PRKCH: variants seen among roughly 807,000 people sequenced by gnomAD.
PRKCH encodes the protein protein kinase C eta type.
A neutral mutation model predicts 82.5 loss-of-function variants in PRKCH; 28 were observed. That is an observed-to-expected ratio of 0.34 (90% CI 0.25 to 0.47). PRKCH has a LOEUF of 0.47. Ranked by LOEUF, PRKCH falls within the 20% of genes least tolerant of loss-of-function variation. The probability of loss-of-function intolerance (pLI) is 1.00; values close to 1 mark genes in which losing one functional copy is unlikely to be tolerated. For missense variants in PRKCH, 705 were observed against 881.8 expected (o/e 0.80, Z 2.54); for synonymous variants, 322 against 327.4 (o/e 0.98, Z 0.18).
rs139819534 is a variant in PRKCH, at chr14:61,378,981, T to G, written c.364-12244T>G. ...AACAGTTATGTATCGGGATCTGACA[T>G]GTAGGTATGACCTTGTAACTTTCCT... On this transcript the variant is annotated intron_variant, in intron 1 of 13. Transcript: ENST00000332981. Among the ~76,000 whole-genome samples, 3 of 152,340 alleles carry G rather than the reference T, an allele frequency of 2.0e-5. No individual in the cohort carries two copies. The South Asian group carries it at 6.2e-4, about 32-fold the overall frequency.
In PRKCH at chr14:61,322,433, C is replaced by G. The variant is rs1594910908; in HGVS notation, c.332C>G (p.Thr111Arg). 24 of 1,597,732 alleles carry G rather than the reference C, an allele frequency of 1.5e-5. No individual in the cohort carries two copies. Among genetic ancestry groups the G allele is most frequent in the Non-Finnish European group, 2.1e-5 (24 of 1,166,902 alleles). ...CTGCAGTTCCAGGAGCTGCTGCGCA[C>G]GACCGGCGCCTCGGACACCTTCGAG... ...CTLQFQELLR[T>R]TGASDTFEGW... The change falls in exon 1 of 14, where the codon ACG becomes AGG. Residue 111 changes from threonine to arginine, a missense_variant. Coordinates refer to ENST00000332981, the MANE Select transcript of PRKCH (RefSeq NM_006255.5).
chr14:61,189,119 C>T (rs1380128849), intron 1 of PRKCH, among the ~76,000 whole-genome samples: 1 of 152,224 alleles, frequency 6.6e-6, no homozygotes, highest in Admixed American at 6.5e-5. Flanking sequence ...ACACAGGGTG[C>T]GGCGGTGACT....
chr14:61,489,602 G>T (rs1374217676), intron 10 of PRKCH, among the ~76,000 whole-genome samples: 1 of 152,214 alleles, frequency 6.6e-6, no homozygotes, highest in Non-Finnish European at 1.5e-5. Context: ...TCTGGAACCT[G>T]CCATGGCCCA....
chr14:61,415,456 T>G (rs1882502206), intron 2 of PRKCH, among the ~76,000 whole-genome samples: 2 of 152,208 alleles, frequency 1.3e-5, no homozygotes, highest in Non-Finnish European at 1.5e-5. Flanking sequence ...TTCCATTTCC[T>G]TAGGAGAGCT....
At chr14:61,489,309 A>T (rs1244853514) in intron 10 of PRKCH, among the ~76,000 whole-genome samples, 2 of 152,078 alleles carry the variant, frequency 1.3e-5, no homozygotes, top group Non-Finnish European at 2.9e-5. Flanking sequence ...GGAGGGAGAG[A>T]GGTGTTTATT....
intron 1 of PRKCH, among the ~76,000 whole-genome samples, chr14:61,356,327 A>G (rs2046148763): frequency 6.6e-6 from 1 of 152,062 alleles, no homozygotes; most frequent in African/African-American, 2.4e-5. Context: ...TACCCATTTT[A>G]TCCTTGTGCT....
At position 61,451,985 on chromosome 14, in the gene PRKCH, A is replaced by C. The variant is rs1165401417; in HGVS notation, c.832+1014A>C. 2.6e-5 allele frequency among the ~76,000 whole-genome samples: 4 copies of C among 152,214 alleles called. No individual in the cohort carries two copies. In the South Asian group the frequency reaches 8.3e-4, roughly 31 times the overall value. The stretch of plus-strand genomic sequence containing the variant: ...ACTTGTAGGGCGTTGGTCCAGGTGC[A>C]GCTTGATCTTAGCGTGACGGTCTCA... On this transcript the variant is annotated intron_variant, in intron 6 of 13. Transcript: ENST00000332981.
chr14:61,208,160 T>C (rs566247818), intron 1 of PRKCH, among the ~76,000 whole-genome samples: 1 of 152,362 alleles, frequency 6.6e-6, no homozygotes, highest in African/African-American at 2.4e-5. Flanking sequence ...ACAAAGTATT[T>C]ACTGAATTCT....
At chr14:61,526,091 A>T (rs773359106) in intron 10 of PRKCH, among the ~76,000 whole-genome samples, 2 of 151,978 alleles carry the variant, frequency 1.3e-5, no homozygotes, top group Non-Finnish European at 2.9e-5. Flanking sequence ...GATCATCCTC[A>T]CCCCTGCTCC....
intron 1 of PRKCH, among the ~76,000 whole-genome samples, chr14:61,380,814 G>A (rs556478768): frequency 1.3e-5 from 2 of 152,276 alleles, no homozygotes; most frequent in South Asian, 4.1e-4. Flanking sequence ...AAATAGTTTT[G>A]ACTGTTTGTG....
chr14:61,291,537 C>T (rs1355661894), intron 1 of PRKCH, among the ~76,000 whole-genome samples: 1 of 152,040 alleles, frequency 6.6e-6, no homozygotes, highest in East Asian at 1.9e-4. Flanking sequence ...ACCATGTTGG[C>T]CAGGATGGTC....
chr14:61,424,785 C>T (rs1001582252), intron 2 of PRKCH, among the ~76,000 whole-genome samples: 2 of 152,234 alleles, frequency 1.3e-5, no homozygotes, highest in Admixed American at 6.5e-5. Context: ...AGCAGCCCCT[C>T]CCATTACAGG....
chr14:61,538,601 C>T (rs28594269), intron 12 of PRKCH, among the ~76,000 whole-genome samples: 11,217 of 152,128 alleles, frequency 0.074, 1,437 homozygotes, highest in African/African-American at 0.26. Context: ...TATCTCCATC[C>T]CTGCCAGGAA....
chr14:61,490,674 G>A (rs922947083), intron 10 of PRKCH, among the ~76,000 whole-genome samples: 1 of 152,202 alleles, frequency 6.6e-6, no homozygotes, highest in African/African-American at 2.4e-5. Context: ...AGCATTTTGT[G>A]AGGCCAAGGT....
intron 1 of PRKCH, among the ~76,000 whole-genome samples, chr14:61,363,996 A>G (rs11847231): frequency 0.017 from 1,391 of 83,176 alleles, 19 homozygotes; most frequent in Admixed American, 0.018. Context: ...GTGTGTGTGT[A>G]TATATATATT....
chr14:61,220,137 A>G (rs929179333), intron 1 of PRKCH, among the ~76,000 whole-genome samples: 2 of 152,142 alleles, frequency 1.3e-5, no homozygotes, highest in East Asian at 1.9e-4. Context: ...CTTTCTCCCA[A>G]ACCAAATCTG....
Position 61,280,419 on chromosome 14 carries a change from G to A in PRKCH, c.-19+92751G>A, listed in dbSNP as rs201969653. ...CCACGAAGTCCTGATTGATGAAGCC[G>A]GTGTTGTTGGGGTCGGGGCTGAGCT... On this transcript the variant is annotated intron_variant, in intron 1 of 3. Transcript: ENST00000555185. This position sits in a 1 kb window ranked among gnomAD's most constrained non-coding sequence, Gnocchi z 5.0. The A allele has an allele frequency of 6.2e-7, 1 of 1,614,016 alleles. No homozygotes were observed. Among genetic ancestry groups the A allele is most frequent in the Non-Finnish European group, 8.5e-7 (1 of 1,179,902 alleles).
intron 10 of PRKCH, among the ~76,000 whole-genome samples, chr14:61,501,012 C>T (rs1388120047): frequency 6.6e-6 from 1 of 152,166 alleles, no homozygotes; most frequent in East Asian, 1.9e-4. Flanking sequence ...GCTTTGAAGT[C>T]AAACTTAGAT....
intron 2 of PRKCH, among the ~76,000 whole-genome samples, chr14:61,403,662 A>G (rs7141598): frequency 0.041 from 6,267 of 152,280 alleles, 207 homozygotes; most frequent in East Asian, 0.082. Flanking sequence ...ACTTCTGAAC[A>G]AGTGATCAGT....
Sources: allele counts gnomAD v4.1 joint callset (sites outside exome capture counted in the v4.1 genomes callset), GRCh38; gene constraint gnomAD v4.1.1; non-coding constraint Gnocchi (gnomAD v3.1); transcripts MANE v1.5; gene names NCBI Gene and HGNC (gene_info 2026-07-23, HGNC 2026-07-21).